DTWD1: variants seen among roughly 807,000 people sequenced by gnomAD.
DTWD1 encodes tRNA-uridine aminocarboxypropyltransferase 1.
DTWD1 carries 27 observed loss-of-function variants against 30.2 expected under a neutral mutation model. That is an observed-to-expected ratio of 0.90 (90% CI 0.66 to 1.23). The LOEUF (loss-of-function observed/expected upper bound fraction) is 1.23. DTWD1 is among the 50% of genes most tolerant of loss of function. DTWD1 has a pLI of 0.00. For missense variants in DTWD1, 342 were observed against 348.8 expected (o/e 0.98, Z 0.15); for synonymous variants, 99 against 113.1 (o/e 0.88, Z 0.79).
At chr15:49,636,621 G>GT (rs2079006834) in intron 4 of DTWD1, among the ~76,000 whole-genome samples, 1 of 152,048 alleles carries the variant, frequency 6.6e-6, no homozygotes, top group African/African-American at 2.4e-5. Context: ...ATTGTGATTA[G>GT]TTTCAGTCTA....
chr15:49,641,371 A>T (rs1040351400), intron 4 of DTWD1, among the ~76,000 whole-genome samples: 1 of 151,806 alleles, frequency 6.6e-6, no homozygotes, highest in African/African-American at 2.4e-5. Flanking sequence ...ACAATGTTTA[A>T]CCTCTCCTTT....
At chr15:49,632,658 A>C (rs937415540) in intron 3 of DTWD1, among the ~76,000 whole-genome samples, 8 of 152,164 alleles carry the variant, frequency 5.3e-5, no homozygotes, top group African/African-American at 1.9e-4. Context: ...ACCAGATTAC[A>C]AATATTGTTG....
At position 49,655,020 on chromosome 15, in the gene DTWD1, G is replaced by C. The variant is rs117654349; in HGVS notation, c.*11442G>C. ...TTATAAGGGCACCAATCTCATCATG[G>C]AGGGTCTTCAACCTCATGGCTTCTT... is the stretch of plus-strand genomic sequence containing the variant. On this transcript the variant is annotated 3_prime_UTR_variant, in exon 5 of 5. Transcript: ENST00000403028. 1 of 151,974 alleles carries C rather than the reference G, an allele frequency of 6.6e-6. No individual in the cohort carries two copies. The highest frequency in any genetic ancestry group is 6.6e-5 in the Admixed American group (1 of 15,232). The allele number at this position is 151,974 out of a possible 1,614,324, so 9.4% of individuals were successfully genotyped here.
intron 4 of DTWD1, among the ~76,000 whole-genome samples, chr15:49,639,451 A>G (rs947616016): frequency 2.6e-5 from 4 of 152,154 alleles, no homozygotes; most frequent in African/African-American, 7.2e-5. Context: ...AGTCTTAGGT[A>G]CTTGGGAGAC....
Position 49,649,601 on chromosome 15 carries a change from A to T in DTWD1, c.*6023A>T, listed in dbSNP as rs2153354727. 1 of 152,150 alleles carries T rather than the reference A, an allele frequency of 6.6e-6. No individual in the cohort carries two copies. The highest frequency in any genetic ancestry group is 2.4e-5 in the African/African-American group (1 of 41,502). 9.4% of individuals were successfully genotyped at this position (152,150 alleles called of 1,614,324 possible). A position where few individuals can be genotyped will look rare whatever the true frequency, so the allele number is the denominator to read the frequency against. ...AAAATACAAAAATTAGTCGGGTGTG[A>T]TGGCATGTGTCTGTAATCCCAGCTA... On this transcript the variant is annotated 3_prime_UTR_variant, in exon 5 of 5. Transcript: ENST00000403028.
Position 49,655,286 on chromosome 15 carries a change from T to A in DTWD1, c.*11708T>A, listed in dbSNP as rs1476445297. ...AATGAGAAATTTTAAAATGGTTGATTTAGGTAATTAAGTTTTGGGGTGGTT... is the reference window on the plus strand; with the variant it reads ...AATGAGAAATTTTAAAATGGTTGATATAGGTAATTAAGTTTTGGGGTGGTT... On this transcript the variant is annotated 3_prime_UTR_variant, in exon 5 of 5. Coordinates refer to ENST00000403028, the MANE Select transcript of DTWD1 (RefSeq NM_001144955.2). 2 of 152,042 alleles carry A rather than the reference T, an allele frequency of 1.3e-5. No homozygotes were observed. The highest frequency in any genetic ancestry group is 4.8e-5 in the African/African-American group (2 of 41,404). The allele number at this position is 152,042 out of a possible 1,614,324, so 9.4% of individuals were successfully genotyped here. A position where few individuals can be genotyped will look rare whatever the true frequency, so the allele number is the denominator to read the frequency against.
At chr15:49,633,073 AT>A (rs1026150483) in intron 3 of DTWD1, among the ~76,000 whole-genome samples, 15 of 145,308 alleles carry the variant, frequency 1.0e-4, no homozygotes, top group Middle Eastern at 3.7e-3. Flanking sequence ...ATATATATGT[AT>A]TTTTTTGGTT....
rs1305882024 is a variant in DTWD1, at chr15:49,628,916, A to G, written c.265-3243A>G. Among the ~76,000 whole-genome samples the G allele has an allele frequency of 2.0e-5, 3 of 152,056 alleles. No individual in the cohort carries two copies. The East Asian group carries it at 5.8e-4, about 29-fold the overall frequency. On this transcript the variant is annotated intron_variant, in intron 2 of 4. Transcript: ENST00000403028. ...ACTTGCAGGTTTGTTACATTGATACACATGTGCCCTGGTAGTTTGCTGCAC... is the reference window on the plus strand; with the variant it reads ...ACTTGCAGGTTTGTTACATTGATACGCATGTGCCCTGGTAGTTTGCTGCAC...
At chr15:49,637,475 TA>T (rs2079016789) in intron 4 of DTWD1, among the ~76,000 whole-genome samples, 1 of 152,218 alleles carries the variant, frequency 6.6e-6, no homozygotes. Flanking sequence ...GTAAATTCAT[TA>T]CTTTTGGGAT....
intron 2 of DTWD1, among the ~76,000 whole-genome samples, chr15:49,631,556 A>G (rs1385724452): frequency 1.3e-5 from 2 of 152,130 alleles, no homozygotes; most frequent in South Asian, 4.1e-4. Flanking sequence ...TGAGGTCAGG[A>G]GTTCAAGACC....
intron 2 of DTWD1, among the ~76,000 whole-genome samples, chr15:49,625,951 A>G (rs987502366): frequency 8.5e-5 from 13 of 152,178 alleles, no homozygotes; most frequent in African/African-American, 3.1e-4. Flanking sequence ...GAATAAGAAC[A>G]TCACACAATT....
chr15:49,629,370 A>G (rs2078888436), intron 2 of DTWD1, among the ~76,000 whole-genome samples: 1 of 152,210 alleles, frequency 6.6e-6, no homozygotes, highest in Non-Finnish European at 1.5e-5. Context: ...GGCTAGGCAC[A>G]TGATTTATAA....
chr15:49,639,259 A>G (rs1007448805), intron 4 of DTWD1, among the ~76,000 whole-genome samples: 7 of 152,174 alleles, frequency 4.6e-5, no homozygotes, highest in Non-Finnish European at 1.0e-4. Flanking sequence ...TTCTACTGCT[A>G]AAATATTTTA....
rs566145930 is a variant in DTWD1 at position 49,649,432 on chromosome 15, AAGAG to A, written c.*5857_*5860del. 3 of 152,176 alleles carry A rather than the reference AAGAG, an allele frequency of 2.0e-5. No individual in the cohort carries two copies. Among genetic ancestry groups the A allele is most frequent in the Non-Finnish European group, 2.9e-5 (2 of 68,062 alleles). 9.4% of individuals were successfully genotyped at this position (152,176 alleles called of 1,614,324 possible). On this transcript the variant is annotated 3_prime_UTR_variant, in exon 5 of 5. Coordinates refer to ENST00000403028, the MANE Select transcript of DTWD1 (RefSeq NM_001144955.2). ...CGGAGAAGGAAACCAAAAACCAAAA[AAGAG>A]AGCATTAAGAAGTCAGCAGGCCAGG...
At chr15:49,643,208 C>A (rs1477747766) in intron 4 of DTWD1, 123 bp from the exon 5 acceptor site, 3 of 1,213,538 alleles carry the variant, frequency 2.5e-6, no homozygotes, top group Non-Finnish European at 3.3e-6. Context: ...TATCTGCAGT[C>A]TTTAAAAAAA....
chr15:49,643,411 A>C lies in DTWD1; in HGVS notation c.748A>C (p.Thr250Pro), dbSNP rs202157490. 6.3e-7 allele frequency: 1 copy of C among 1,597,792 alleles called. No homozygotes were observed. Among genetic ancestry groups the C allele is most frequent in the Admixed American group, 1.8e-5 (1 of 56,822 alleles). ...QKGKPDTFLS[T>P]IEAIYYFLVD... ...AGGAAAGCCAGATACTTTCCTTTCT[A>C]CAATTGAAGCCATTTACTACTTTCT... Residue 250 changes from threonine (T) to proline (P), a missense_variant, in exon 5 of 5, where the codon ACA (threonine) becomes CCA (proline). By Grantham distance (38) the Thr-to-Pro change is conservative. Transcript: ENST00000403028.
At chr15:49,631,737 G>T (rs2078923827) in intron 2 of DTWD1, among the ~76,000 whole-genome samples, 2 of 152,198 alleles carry the variant, frequency 1.3e-5, no homozygotes, top group South Asian at 4.2e-4. Context: ...CTGCAGCCTG[G>T]GTGGCAGAGT....
At chr15:49,631,491 G>A (rs556546758) in intron 2 of DTWD1, among the ~76,000 whole-genome samples, 3 of 152,282 alleles carry the variant, frequency 2.0e-5, no homozygotes, top group South Asian at 2.1e-4. Flanking sequence ...GAGGCCAGGT[G>A]TGGTGGCTCA....
In DTWD1 at chr15:49,632,180, A is replaced by T. The variant is rs1410853080; in HGVS notation, c.286A>T (p.Ile96Phe). 2 of 1,579,114 alleles carry T rather than the reference A, an allele frequency of 1.3e-6. No homozygotes were observed. The highest frequency in any genetic ancestry group is 8.5e-7 in the Non-Finnish European group (1 of 1,170,196). ...LVKLPLKIDI[I>F]KHPNETDGKS... The stretch of plus-strand genomic sequence containing the variant: ...TTAGCTTCCATTGAAGATTGACATC[A>T]TTAAACATCCAAATGAAACAGATGG... The change falls in exon 3 of 5, where the codon ATT becomes TTT. Residue 96 changes from isoleucine to phenylalanine, a missense_variant. Transcript: ENST00000403028.
Sources: allele counts gnomAD v4.1 joint callset (sites outside exome capture counted in the v4.1 genomes callset), GRCh38; gene constraint gnomAD v4.1.1; transcripts MANE v1.5; gene names NCBI Gene and HGNC (gene_info 2026-07-23, HGNC 2026-07-21).